Variants in EFR3B observed in about 807,000 individuals in gnomAD.
EFR3B encodes the protein protein EFR3 homolog B.
A neutral mutation model predicts 104.7 loss-of-function variants in EFR3B; 64 were observed. That is an observed-to-expected ratio of 0.61 (90% CI 0.50 to 0.75). EFR3B has a LOEUF of 0.75. EFR3B is among the 30% of genes least tolerant of loss of function. EFR3B has a pLI of 0.00. For missense variants in EFR3B, 750 were observed against 1,078.5 expected (o/e 0.70, Z 4.27); for synonymous variants, 385 against 417.9 (o/e 0.92, Z 0.96).
At chr2:25,102,897 TAAG>T (rs1449920944) in intron 3 of EFR3B, among the ~76,000 whole-genome samples, 4 of 152,236 alleles carry the variant, frequency 2.6e-5, no homozygotes, top group Non-Finnish European at 5.9e-5. Context: ...ATTCCCTAAG[TAAG>T]AAGTATCATC....
chr2:25,065,550 T>C (rs770724836), intron 1 of EFR3B, among the ~76,000 whole-genome samples: 2 of 152,100 alleles, frequency 1.3e-5, no homozygotes, highest in African/African-American at 2.4e-5. Context: ...AGATTGCACC[T>C]TTCCCCCTTT....
intron 5 of EFR3B, among the ~76,000 whole-genome samples, chr2:25,125,723 AGG>A: frequency 6.6e-6 from 1 of 152,210 alleles, no homozygotes; most frequent in South Asian, 2.1e-4. Flanking sequence ...CCAAGGCGGG[AGG>A]ATCACAAGGT....
In EFR3B at chr2:25,042,132, T is replaced by C. The variant is rs946746657; in HGVS notation, c.-181T>C. The C allele has an allele frequency of 6.4e-5, 29 of 453,444 alleles. No homozygotes were observed. The highest frequency in any genetic ancestry group is 8.4e-5 in the Non-Finnish European group (25 of 298,482). 28.1% of individuals were successfully genotyped at this position (453,444 alleles called of 1,614,324 possible). A position where few individuals can be genotyped will look rare whatever the true frequency, so the allele number is the denominator to read the frequency against. On this transcript the variant is annotated 5_prime_UTR_variant, in exon 1 of 23. Coordinates refer to ENST00000403714, the MANE Select transcript of EFR3B (RefSeq NM_014971.2). This position sits in a 1 kb window ranked among gnomAD's most constrained non-coding sequence, Gnocchi z 5.4. ...CGCTGCAGCCCGGCGCTGAATGGGC[T>C]GGCGGCGCCCGGCTCCGTCCTGCCC...
chr2:25,077,992 C>G (rs909471096), intron 1 of EFR3B, among the ~76,000 whole-genome samples: 1 of 152,184 alleles, frequency 6.6e-6, no homozygotes, highest in Admixed American at 6.5e-5. Context: ...TCACCTCTTC[C>G]AGGAAGCCTT....
chr2:25,062,180 C>G (rs559555842), intron 1 of EFR3B, among the ~76,000 whole-genome samples: 1 of 152,126 alleles, frequency 6.6e-6, no homozygotes, highest in Non-Finnish European at 1.5e-5. Flanking sequence ...TTCTTCATCA[C>G]CAGAGGCCTT....
At chr2:25,089,939 C>T (rs1391923483) in intron 1 of EFR3B, among the ~76,000 whole-genome samples, 2 of 152,076 alleles carry the variant, frequency 1.3e-5, no homozygotes, top group African/African-American at 2.4e-5. Context: ...CATGCCCATC[C>T]CCAAACCCAA....
At chr2:25,075,702 C>T (rs1668614491) in intron 1 of EFR3B, among the ~76,000 whole-genome samples, 1 of 152,108 alleles carries the variant, frequency 6.6e-6, no homozygotes, top group Non-Finnish European at 1.5e-5. Context: ...TTTTACAAGT[C>T]AACATATTAG....
At chr2:25,118,967 T>C (rs112744272) in intron 4 of EFR3B, among the ~76,000 whole-genome samples, 3 of 152,010 alleles carry the variant, frequency 2.0e-5, no homozygotes, top group Non-Finnish European at 2.9e-5. Flanking sequence ...CCAGTGAACA[T>C]TAATTTTGGC....
At chr2:25,108,108 A>AG (rs1194435689) in intron 4 of EFR3B, among the ~76,000 whole-genome samples, 2 of 152,190 alleles carry the variant, frequency 1.3e-5, no homozygotes, top group Non-Finnish European at 2.9e-5. Context: ...TGCTGGGATT[A>AG]CAGGTGTGAG....
Position 25,042,317 on chromosome 2 carries a change from A to C in EFR3B, c.5A>C (p.Tyr2Ser). 7.8e-7 allele frequency: 1 copy of C among 1,281,094 alleles called. No homozygotes were observed. The highest frequency in any genetic ancestry group is 9.9e-7 in the Non-Finnish European group (1 of 1,014,396). 79.4% of individuals were successfully genotyped at this position (1,281,094 alleles called of 1,614,324 possible). A position where few individuals can be genotyped will look rare whatever the true frequency, so the allele number is the denominator to read the frequency against. The change falls in exon 1 of 23, where the codon TAC (tyrosine) becomes TCC (serine). Residue 2 changes from tyrosine to serine, a missense_variant and splice_region_variant. Physicochemically the swap from Tyr to Ser is moderately radical, Grantham distance 144. Coordinates refer to ENST00000403714, the MANE Select transcript of EFR3B (RefSeq NM_014971.2). This position sits in a 1 kb window ranked among gnomAD's most constrained non-coding sequence, Gnocchi z 5.4. MYGVCGCCGALR... is the reference protein window; with the variant it reads MSGVCGCCGALR... Reference sequence around the variant, plus strand: ...AGAGGCGCGCGCCCCGCCGAGATGTACGGTAAGGAGGGCTCCGCGCCCGGG... The same window carrying C: ...AGAGGCGCGCGCCCCGCCGAGATGTCCGGTAAGGAGGGCTCCGCGCCCGGG...
chr2:25,046,403 A>G (rs1441662643), intron 1 of EFR3B, among the ~76,000 whole-genome samples: 2 of 151,624 alleles, frequency 1.3e-5, no homozygotes, highest in Non-Finnish European at 2.9e-5. Context: ...ACAAAAAACC[A>G]CACCGAAAAT....
chr2:25,065,368 T>C (rs948564742), intron 1 of EFR3B, among the ~76,000 whole-genome samples: 6 of 149,330 alleles, frequency 4.0e-5, no homozygotes, highest in African/African-American at 1.5e-4. Flanking sequence ...TTTTTTTTTT[T>C]TTGGTTCAGA....
intron 20 of EFR3B, among the ~76,000 whole-genome samples, chr2:25,151,272 T>C (rs1188413984): frequency 6.6e-6 from 1 of 151,686 alleles, no homozygotes; most frequent in African/African-American, 2.4e-5. Flanking sequence ...TTGTTTATTT[T>C]TGAGATGGAG....
At chr2:25,050,873 G>T (rs1228880739) in intron 1 of EFR3B, among the ~76,000 whole-genome samples, 1 of 152,230 alleles carries the variant, frequency 6.6e-6, no homozygotes, top group African/African-American at 2.4e-5. Context: ...ATTCATCCTG[G>T]AAGAGGAGAC....
intron 1 of EFR3B, among the ~76,000 whole-genome samples, chr2:25,068,621 TG>T (rs1254161968): frequency 8.8e-5 from 13 of 148,326 alleles, no homozygotes; most frequent in Admixed American, 2.7e-4. Context: ...GAGTCACTTT[TG>T]TTTTTTTTAT....
chr2:25,141,389 G>A lies in EFR3B; in HGVS notation c.1878G>A (p.Glu626=). 1 of 1,551,560 alleles carries A rather than the reference G, an allele frequency of 6.4e-7. No individual in the cohort carries two copies. The highest frequency in any genetic ancestry group is 8.7e-7 in the Non-Finnish European group (1 of 1,146,924). ...AGGTGATAGAGACCAGGAAGAAAGA[G>A]GCTCCATACATGCTCCCCGAGGATG... ...IHEVIETRKK[E]APYMLPEDVF... The change falls in exon 17 of 23, where the codon GAG becomes GAA. Residue 626 remains glutamate (E), a synonymous_variant. Transcript: ENST00000403714.
At chr2:25,151,368 G>A (rs923868366) in intron 20 of EFR3B, among the ~76,000 whole-genome samples, 1 of 151,966 alleles carries the variant, frequency 6.6e-6, no homozygotes, top group African/African-American at 2.4e-5. Flanking sequence ...CAATCCTCCT[G>A]CCTCAGCCTC....
chr2:25,114,590 C>T lies in EFR3B; in HGVS notation c.364-7083C>T, dbSNP rs1277744047. 1.3e-5 allele frequency among the ~76,000 whole-genome samples: 2 copies of T among 152,174 alleles called. No individual in the cohort carries two copies. Among genetic ancestry groups the T allele is most frequent in the Admixed American group, 6.5e-5 (1 of 15,274 alleles). On this transcript the variant is annotated intron_variant, in intron 4 of 22. Coordinates refer to ENST00000403714, the MANE Select transcript of EFR3B (RefSeq NM_014971.2). The surrounding 1 kb of genome is among the most constrained non-coding windows in gnomAD (Gnocchi z 4.0). ...AGCCTCAAGTCTGCAACCTCCTAGG[C>T]AGTCCTGGGCCCCAGAGGGCAAACA...
At chr2:25,106,671 G>A (rs548470739) in intron 4 of EFR3B, among the ~76,000 whole-genome samples, 128 of 152,294 alleles carry the variant, frequency 8.4e-4, no homozygotes, top group African/African-American at 2.8e-3. Flanking sequence ...TCGAACTCCT[G>A]ATGTCAAGTG....
Sources: allele counts gnomAD v4.1 joint callset (sites outside exome capture counted in the v4.1 genomes callset), GRCh38; gene constraint gnomAD v4.1.1; non-coding constraint Gnocchi (gnomAD v3.1); transcripts MANE v1.5; gene names NCBI Gene and HGNC (gene_info 2026-07-23, HGNC 2026-07-21).